GSTA1: variants seen among roughly 807,000 people sequenced by gnomAD.
GSTA1 encodes glutathione S-transferase A1.
GSTA1 carries 23 observed loss-of-function variants against 21.5 expected under a neutral mutation model. That is an observed-to-expected ratio of 1.07 (90% CI 0.77 to 1.52). GSTA1 has a LOEUF of 1.52. Ranked by LOEUF, GSTA1 falls within the 40% of genes most tolerant of loss-of-function variation. The pLI is 0.00. For missense variants in GSTA1, 301 were observed against 264.2 expected (o/e 1.14, Z -0.96); for synonymous variants, 125 against 90.0 (o/e 1.39, Z -2.20).
chr6:52,791,689 C>G lies in GSTA1; in HGVS notation c.*169G>C, dbSNP rs1763459692. ...ACATCAGATCCTAATGAAAACAAAT[C>G]AATTTTAACTAAGTCAGCGAATAGG... On this transcript the variant is annotated 3_prime_UTR_variant, in exon 7 of 7. Coordinates refer to ENST00000334575, the MANE Select transcript of GSTA1 (RefSeq NM_145740.5). 3 of 753,716 alleles carry G rather than the reference C, an allele frequency of 4.0e-6. No individual in the cohort carries two copies. Among genetic ancestry groups the G allele is most frequent in the Non-Finnish European group, 6.2e-6 (3 of 485,836 alleles). The allele number at this position is 753,716 out of a possible 1,614,324, so 46.7% of individuals were successfully genotyped here.
At chr6:52,796,543 A>ATATATATTTTTTTTTTTTTTTTT (rs1300549721) in intron 3 of GSTA1, among the ~76,000 whole-genome samples, 1 of 23,772 alleles carries the variant, frequency 4.2e-5, no homozygotes. Context: ...ATATATATAT[A>ATATATATTTTTTTTTTTTTTTTT]TTTTTTTTTT....
rs1763656717 is a variant in GSTA1, at chr6:52,799,243, A to T, written c.25T>A (p.Tyr9Asn). The T allele has an allele frequency of 6.2e-7, 1 of 1,613,942 alleles. No individual in the cohort carries two copies. Residue 9 changes from tyrosine (Y) to asparagine (N), a missense_variant, in exon 2 of 7, where the codon TAC becomes AAC. Transcript: ENST00000334575. MAEKPKLHYFNARGRMEST... is the reference protein window; with the variant it reads MAEKPKLHNFNARGRMEST... ...TCCATTCTGCCCCGTGCATTGAAGT[A>T]GTGGAGCTTGGGCTTCTCTGCCATG...
At position 52,793,052 on chromosome 6, in the gene GSTA1, C is replaced by T. The variant is rs112525259; in HGVS notation, c.415-65G>A. On this transcript the variant is annotated intron_variant, in intron 5 of 6. Transcript: ENST00000334575. ...CCCAGGCTAGGACCCCTGCTTCTTTCGGAGCCTCTCCACCCTGACTTTCCC... is the reference window on the plus strand; with the variant it reads ...CCCAGGCTAGGACCCCTGCTTCTTTTGGAGCCTCTCCACCCTGACTTTCCC... 113 of 1,610,178 alleles carry T rather than the reference C, an allele frequency of 7.0e-5. 1 individual carries two copies. Among genetic ancestry groups the T allele is most frequent in the African/African-American group, 6.7e-4 (50 of 74,902 alleles).
In GSTA1 at chr6:52,796,312, C is replaced by T. The variant is rs1171992596; in HGVS notation, c.142G>A (p.Gly48Arg). ...AEDLDKLRNDGYLMFQQVPMV... is the reference protein window; with the variant it reads ...AEDLDKLRNDRYLMFQQVPMV... ...GGCACTTGCTGGAACATCAAATATC[C>T]ATCTTTAGAAGGAAGAAAAAAAAGG... The change falls in exon 4 of 7, where the codon GGA becomes AGA. Residue 48 changes from glycine to arginine, a missense_variant and splice_region_variant. By Grantham distance (125) the Gly-to-Arg change is moderately radical. Transcript: ENST00000334575. 2.5e-6 allele frequency: 4 copies of T among 1,613,446 alleles called. No homozygotes were observed. The African/African-American group carries it at 4.0e-5, about 16-fold the overall frequency.
rs1249762911 is a variant in GSTA1 at position 52,792,782 on chromosome 6, A to T, written c.546+74T>A. 3.7e-6 allele frequency: 6 copies of T among 1,611,918 alleles called. No homozygotes were observed. In the Admixed American group the frequency reaches 1.0e-4, roughly 27 times the overall value. ...GAGAAGACTGGGGCAAAACTTGGTC[A>T]GTCGCAGGGCCCAGATACAAGATCC... On this transcript the variant is annotated intron_variant, in intron 6 of 6. Coordinates refer to ENST00000334575, the MANE Select transcript of GSTA1 (RefSeq NM_145740.5).
chr6:52,792,650 T>C, intron 6 of GSTA1: 2 of 1,303,102 alleles, frequency 1.5e-6, no homozygotes, highest in Non-Finnish European at 2.0e-6. Flanking sequence ...ATACTCTTTG[T>C]GGGGTAGCAT....
chr6:52,799,234 C>T lies in GSTA1; in HGVS notation c.34G>A (p.Ala12Thr), dbSNP rs1051566. The T allele has an allele frequency of 8.7e-6, 14 of 1,613,810 alleles. No individual in the cohort carries two copies. In the South Asian group the frequency reaches 1.3e-4, roughly 15 times the overall value. Residue 12 changes from alanine (A) to threonine (T), a missense_variant, in exon 2 of 7, where the codon GCA (alanine) becomes ACA (threonine). Ala to Thr is a moderately conservative substitution (Grantham distance 58). Transcript: ENST00000334575. Reference protein sequence around the residue: ...AEKPKLHYFNARGRMESTRWL... With the variant: ...AEKPKLHYFNTRGRMESTRWL... ...CGGGTGGACTCCATTCTGCCCCGTG[C>T]ATTGAAGTAGTGGAGCTTGGGCTTC...
intron 1 of GSTA1, among the ~76,000 whole-genome samples, chr6:52,800,562 G>T (rs1364545914): frequency 1.3e-5 from 2 of 152,202 alleles, no homozygotes; most frequent in Non-Finnish European, 2.9e-5. Flanking sequence ...TGGTTAGAGA[G>T]AAATTGACTG....
intron 4 of GSTA1, among the ~76,000 whole-genome samples, chr6:52,794,525 C>T (rs185065696): frequency 6.6e-6 from 1 of 152,130 alleles, no homozygotes; most frequent in African/African-American, 2.4e-5. Flanking sequence ...TGGTCACAGT[C>T]ATGAGAGAAA....
intron 1 of GSTA1, among the ~76,000 whole-genome samples, chr6:52,801,944 T>A (rs1481324433): frequency 1.3e-5 from 2 of 152,104 alleles, no homozygotes; most frequent in Non-Finnish European, 2.9e-5. Flanking sequence ...CCACTCCACC[T>A]CATAACCTGG....
At chr6:52,792,451 A>C (rs1481252034) in intron 6 of GSTA1, among the ~76,000 whole-genome samples, 1 of 152,132 alleles carries the variant, frequency 6.6e-6, no homozygotes, top group Admixed American at 6.5e-5. Flanking sequence ...AGAGAGGAAC[A>C]CAATGTCAGA....
Position 52,791,865 on chromosome 6 carries a change from C to T in GSTA1, c.662G>A (p.Arg221Lys). The change falls in exon 7 of 7, where the codon AGG (arginine) becomes AAG (lysine). Residue 221 changes from arginine to lysine, a missense_variant. Arg to Lys is a conservative substitution (Grantham distance 26). Coordinates refer to ENST00000334575, the MANE Select transcript of GSTA1 (RefSeq NM_145740.5). ...KSLEEARKIF[R>K]F is the part of the protein sequence containing the mutation. ...GCCTCCATGACTGCGTTATTAAAACCTGAAAATCTTCCTTGCTTCTTCTAA... is the reference window on the plus strand; with the variant it reads ...GCCTCCATGACTGCGTTATTAAAACTTGAAAATCTTCCTTGCTTCTTCTAA... 1 of 1,614,002 alleles carries T rather than the reference C, an allele frequency of 6.2e-7. No individual in the cohort carries two copies.
chr6:52,798,151 A>G (rs1429422488), intron 2 of GSTA1, among the ~76,000 whole-genome samples: 1 of 152,204 alleles, frequency 6.6e-6, no homozygotes, highest in African/African-American at 2.4e-5. Context: ...CAGCTTTCAC[A>G]CTTGCAACTG....
chr6:52,796,541 A>ATT (rs1198221761), intron 3 of GSTA1, among the ~76,000 whole-genome samples: 14 of 34,292 alleles, frequency 4.1e-4, no homozygotes, highest in African/African-American at 8.3e-4. Flanking sequence ...ATATATATAT[A>ATT]TATTTTTTTT....
chr6:52,797,796 C>A (rs1296735006), intron 2 of GSTA1, among the ~76,000 whole-genome samples, 159 bp from the exon 3 acceptor site: 1 of 152,148 alleles, frequency 6.6e-6, no homozygotes, highest in Non-Finnish European at 1.5e-5. Context: ...AAATTTAGAC[C>A]TAATTCATTG....
At chr6:52,794,341 G>A in intron 4 of GSTA1, 75 bp from the exon 5 acceptor site, 3 of 1,467,574 alleles carry the variant, frequency 2.0e-6, no homozygotes, top group African/African-American at 2.8e-5. Context: ...ACCTAAGGGA[G>A]TAGAGTATCA....
At position 52,791,778 on chromosome 6, in the gene GSTA1, A is replaced by G. The variant is rs1292450463; in HGVS notation, c.*80T>C. On this transcript the variant is annotated 3_prime_UTR_variant, in exon 7 of 7. Coordinates refer to ENST00000334575, the MANE Select transcript of GSTA1 (RefSeq NM_145740.5). ...CATTAGCTTCACAACAGGCACAATC[A>G]ACACTTAGGTAAAGTACTTTATTGT... 2 of 1,544,712 alleles carry G rather than the reference A, an allele frequency of 1.3e-6. No individual in the cohort carries two copies. Among genetic ancestry groups the G allele is most frequent in the African/African-American group, 2.8e-5 (2 of 72,710 alleles).
At chr6:52,794,400 T>G (rs1332163247) in intron 4 of GSTA1, 134 bp from the exon 5 acceptor site, 1 of 756,808 alleles carries the variant, frequency 1.3e-6, no homozygotes, top group Non-Finnish European at 2.1e-6. Context: ...TATAGTCTAG[T>G]CATTATGCTC....
chr6:52,795,746 G>T (rs768014243), intron 4 of GSTA1, among the ~76,000 whole-genome samples: 1 of 152,074 alleles, frequency 6.6e-6, no homozygotes, highest in African/African-American at 2.4e-5. Flanking sequence ...TAGGTTCCCG[G>T]TCATCATTCT....
Sources: gnomAD v4.1 joint callset for allele counts (sites outside exome capture counted in the v4.1 genomes callset) on GRCh38, gnomAD v4.1.1 for gene constraint, MANE v1.5 for transcripts, NCBI Gene and HGNC (gene_info 2026-07-23, HGNC 2026-07-21) for gene names.